The following CACNA1E variants were observed in gnomAD, a reference collection of about 807,000 sequenced individuals.
CACNA1E encodes the protein voltage-dependent R-type calcium channel subunit alpha-1E.
Under a neutral mutation model 259.2 loss-of-function variants are expected in CACNA1E, and 40 were observed. The observed-to-expected ratio is 0.15, with a 90% CI of 0.12 to 0.20. CACNA1E has a LOEUF of 0.20. Ranked by LOEUF, CACNA1E falls within the 10% of genes least tolerant of loss-of-function variation. CACNA1E has a pLI of 1.00. For missense variants in CACNA1E, 1,874 were observed against 3,040.1 expected (o/e 0.62, Z 9.02); for synonymous variants, 1,104 against 1,138.5 (o/e 0.97, Z 0.61).
intron 1 of CACNA1E, among the ~76,000 whole-genome samples, chr1:181,493,879 G>A (rs1431229890): frequency 6.6e-6 from 1 of 152,160 alleles, no homozygotes; most frequent in Non-Finnish European, 1.5e-5. Flanking sequence ...GGTCTCCTTG[G>A]CTTGGTATGC....
At chr1:181,641,703 GTTTTTTTT>G (rs751082929) in intron 6 of CACNA1E, among the ~76,000 whole-genome samples, 146 of 81,094 alleles carry the variant, frequency 1.8e-3, no homozygotes, top group African/African-American at 6.0e-3. Flanking sequence ...CTAATTTTTT[GTTTTTTTT>G]TTTTTTTTTT....
intron 6 of CACNA1E, among the ~76,000 whole-genome samples, chr1:181,609,093 CTG>C (rs1654505426): frequency 6.6e-6 from 1 of 152,190 alleles, no homozygotes; most frequent in Non-Finnish European, 1.5e-5. Flanking sequence ...TCCTTAGCAC[CTG>C]AATGAATGCT....
chr1:181,324,708 A>G (rs970788195), intron 1 of CACNA1E, among the ~76,000 whole-genome samples: 5 of 152,152 alleles, frequency 3.3e-5, no homozygotes, highest in Non-Finnish European at 7.4e-5. Flanking sequence ...TGTTGCCACT[A>G]CTGGGCTTTC....
intron 3 of CACNA1E, among the ~76,000 whole-genome samples, chr1:181,551,858 G>C (rs74130038): frequency 0.078 from 11,887 of 151,662 alleles, 1,571 homozygotes; most frequent in African/African-American, 0.27. Context: ...CACTTCTTTC[G>C]TTCCTCCCTC....
At chr1:181,575,024 C>CAAAA (rs55919598) in intron 3 of CACNA1E, among the ~76,000 whole-genome samples, 2 of 147,588 alleles carry the variant, frequency 1.4e-5, no homozygotes, top group South Asian at 2.2e-4. Context: ...GACTCTGTCT[C>CAAAA]AAAAAAAAAA....
chr1:181,431,365 G>C (rs1659703804), intron 2 of CACNA1E, among the ~76,000 whole-genome samples: 4 of 152,164 alleles, frequency 2.6e-5, no homozygotes, highest in Admixed American at 2.6e-4. Flanking sequence ...GACACCCACA[G>C]CTCTTGACAT....
chr1:181,768,947 C>G (rs1171112520), intron 35 of CACNA1E, among the ~76,000 whole-genome samples: 1 of 152,146 alleles, frequency 6.6e-6, no homozygotes, highest in Non-Finnish European at 1.5e-5. Context: ...TGAGAAAAAC[C>G]ATTATTATTC....
chr1:181,585,020 CT>C (rs67123847), intron 6 of CACNA1E, among the ~76,000 whole-genome samples: 18,200 of 151,846 alleles, frequency 0.12, 1,151 homozygotes, highest in Non-Finnish European at 0.14. Flanking sequence ...GTCCCCCCCC[CT>C]GCCTCAAACA....
intron 3 of CACNA1E, among the ~76,000 whole-genome samples, chr1:181,568,815 C>T (rs1185749900): frequency 1.3e-5 from 2 of 152,120 alleles, no homozygotes; most frequent in Admixed American, 1.3e-4. Flanking sequence ...ATGTTGTCCA[C>T]GCTGGCCTTG....
intron 3 of CACNA1E, among the ~76,000 whole-genome samples, chr1:181,519,850 A>G (rs575906179): frequency 5.9e-5 from 9 of 152,336 alleles, no homozygotes; most frequent in African/African-American, 2.2e-4. Flanking sequence ...ACAGAGTTTA[A>G]TCTCATGGAC....
At chr1:181,559,862 G>A (rs1463561059) in intron 3 of CACNA1E, among the ~76,000 whole-genome samples, 3 of 152,180 alleles carry the variant, frequency 2.0e-5, no homozygotes, top group South Asian at 2.1e-4. Flanking sequence ...GAGGAAACAG[G>A]AGAGGGGGTC....
At chr1:181,416,297 C>T (rs940975590) in intron 2 of CACNA1E, among the ~76,000 whole-genome samples, 1 of 152,170 alleles carries the variant, frequency 6.6e-6, no homozygotes, top group African/African-American at 2.4e-5. Flanking sequence ...CTTGATCTCA[C>T]GTTGTGGGGA....
intron 43 of CACNA1E, 101 bp downstream of exon 43, chr1:181,785,920 A>G (rs112190325): frequency 2.2e-5 from 16 of 728,238 alleles, no homozygotes; most frequent in African/African-American, 1.8e-4. Flanking sequence ...CCCAAGAACA[A>G]ATACTCTGAG....
chr1:181,331,157 C>A (rs957678739), intron 1 of CACNA1E, among the ~76,000 whole-genome samples: 1 of 152,240 alleles, frequency 6.6e-6, no homozygotes, highest in African/African-American at 2.4e-5. Flanking sequence ...TCCTTTCAGG[C>A]ATGGCTGTGG....
At chr1:181,338,301 G>T (rs897201053) in intron 1 of CACNA1E, among the ~76,000 whole-genome samples, 2 of 152,104 alleles carry the variant, frequency 1.3e-5, no homozygotes, top group African/African-American at 4.8e-5. Flanking sequence ...GGCCAGGCTG[G>T]TCTTGAACTC....
At chr1:181,417,073 G>T (rs141130137) in intron 2 of CACNA1E, among the ~76,000 whole-genome samples, 1 of 151,902 alleles carries the variant, frequency 6.6e-6, no homozygotes, top group East Asian at 1.9e-4. Flanking sequence ...CCATAATCTC[G>T]GTTTCAAGCA....
intron 7 of CACNA1E, among the ~76,000 whole-genome samples, chr1:181,660,552 C>T (rs1171119393): frequency 6.6e-6 from 1 of 152,192 alleles, no homozygotes; most frequent in African/African-American, 2.4e-5. Context: ...GTCTTGGCCA[C>T]AATGGGCATA....
chr1:181,795,342 C>T (rs1661693725), intron 46 of CACNA1E, among the ~76,000 whole-genome samples: 1 of 152,110 alleles, frequency 6.6e-6, no homozygotes, highest in Non-Finnish European at 1.5e-5. Context: ...ACCACTGGGG[C>T]TTTTTAGGAT....
chr1:181,798,449 C>T lies in CACNA1E; in HGVS notation c.6557C>T (p.Ala2186Val). The change falls in exon 48 of 48, where the codon GCT (alanine) becomes GTT (valine). Residue 2186 changes from alanine to valine, a missense_variant. Ala to Val is a moderately conservative substitution (Grantham distance 64). This residue lies in a region of CACNA1E where 542 missense variants were observed against 587.2 expected (regional missense o/e 0.92). Coordinates refer to ENST00000367573, the MANE Select transcript of CACNA1E (RefSeq NM_001205293.3). The surrounding 1 kb of genome is among the most constrained non-coding windows in gnomAD (Gnocchi z 4.2). ...IRHAGSISPPADGSEEGSPLT... is the reference protein window; with the variant it reads ...IRHAGSISPPVDGSEEGSPLT... ...CACGCGGGCAGCATCTCTCCACCTG[C>T]TGATGGAAGCGAGGAGGGCTCCCCG... The T allele has an allele frequency of 6.2e-7, 1 of 1,613,894 alleles. No individual in the cohort carries two copies. The highest frequency in any genetic ancestry group is 8.5e-7 in the Non-Finnish European group (1 of 1,179,900).
Sources: allele counts gnomAD v4.1 joint callset (sites outside exome capture counted in the v4.1 genomes callset), GRCh38; gene constraint gnomAD v4.1.1; regional missense constraint gnomAD v4.1.1; non-coding constraint Gnocchi (gnomAD v3.1); transcripts MANE v1.5; gene names NCBI Gene and HGNC (gene_info 2026-07-23, HGNC 2026-07-21).